The following SLC30A8 variants were observed in gnomAD, a reference collection of about 807,000 sequenced individuals.
The protein encoded by SLC30A8 is solute carrier family 30 member 8.
Under a neutral mutation model 36.9 loss-of-function variants are expected in SLC30A8, and 27 were observed. That is an observed-to-expected ratio of 0.73 (90% CI 0.54 to 1.01). The LOEUF is 1.01. SLC30A8 is among the 50% of genes least tolerant of loss of function. SLC30A8 has a pLI of 0.00. For synonymous variants in SLC30A8, 164 were observed against 172.4 expected (o/e 0.95, Z 0.38); for missense variants, 439 against 452.0 (o/e 0.97, Z 0.26).
chr8:117,159,339 T>G (rs938145751), intron 4 of SLC30A8, among the ~76,000 whole-genome samples: 8 of 152,174 alleles, frequency 5.3e-5, no homozygotes, highest in Admixed American at 5.2e-4. Context: ...AAGACAGTGA[T>G]CGAAAAATGA....
chr8:116,992,202 A>G (rs1815668430), intron 1 of SLC30A8, among the ~76,000 whole-genome samples: 1 of 152,178 alleles, frequency 6.6e-6, no homozygotes, highest in African/African-American at 2.4e-5. Context: ...ATCAAGAGTC[A>G]TGTCATCTCT....
intron 2 of SLC30A8, among the ~76,000 whole-genome samples, chr8:117,118,453 C>G (rs980382769): frequency 1.4e-4 from 22 of 151,804 alleles, no homozygotes; most frequent in Non-Finnish European, 2.8e-4. Context: ...TAATTGCTGC[C>G]TTAGTGATTC....
chr8:117,152,199 A>G (rs1822222969), intron 2 of SLC30A8, among the ~76,000 whole-genome samples: 2 of 152,146 alleles, frequency 1.3e-5, no homozygotes, highest in Non-Finnish European at 2.9e-5. Context: ...CAAACAACAA[A>G]CCATGTCTGG....
At chr8:117,043,822 C>A (rs1817463573) in intron 2 of SLC30A8, among the ~76,000 whole-genome samples, 1 of 152,148 alleles carries the variant, frequency 6.6e-6, no homozygotes. Flanking sequence ...AGGTAGAATT[C>A]ATAGTTACAT....
At chr8:117,089,760 C>T (rs1819029554) in intron 2 of SLC30A8, among the ~76,000 whole-genome samples, 1 of 152,082 alleles carries the variant, frequency 6.6e-6, no homozygotes, top group Non-Finnish European at 1.5e-5. Flanking sequence ...TCCCATTGCC[C>T]TTTCTGTAAA....
rs184568130 is a variant in SLC30A8, at chr8:117,090,927, A to G, written c.-225-44353A>G. Among the ~76,000 whole-genome samples, 20 of 152,260 alleles carry G rather than the reference A, an allele frequency of 1.3e-4. 1 individual carries two copies. In the East Asian group the frequency reaches 3.9e-3, roughly 29 times the overall value. ...TTTTATTGTTTTGTGTTTTTGCAAC[A>G]CCCAGTTCAGTACCTGACATATAAA... On this transcript the variant is annotated intron_variant, in intron 2 of 10. Coordinates refer to the SLC30A8 transcript ENST00000427715.
chr8:117,015,508 T>C (rs1331727750), intron 1 of SLC30A8, among the ~76,000 whole-genome samples: 1 of 150,458 alleles, frequency 6.6e-6, no homozygotes, highest in East Asian at 2.0e-4. Flanking sequence ...TGGGAAACAT[T>C]ACAGTAATAA....
chr8:116,990,940 C>T (rs1322780900), intron 1 of SLC30A8, among the ~76,000 whole-genome samples: 1 of 151,720 alleles, frequency 6.6e-6, no homozygotes, highest in East Asian at 1.9e-4. Context: ...GTGTCTGAGA[C>T]AGAAAGACTG....
At chr8:116,970,275 GCAATAACA>G (rs1814748865) in intron 1 of SLC30A8, among the ~76,000 whole-genome samples, 1 of 152,120 alleles carries the variant, frequency 6.6e-6, no homozygotes, top group Non-Finnish European at 1.5e-5. Context: ...GACTTTAGGG[GCAATAACA>G]CACATGGAAC....
chr8:117,035,841 C>T (rs1427490461), intron 1 of SLC30A8, among the ~76,000 whole-genome samples: 1 of 152,188 alleles, frequency 6.6e-6, no homozygotes, highest in East Asian at 1.9e-4. Context: ...TTGGAGCTTG[C>T]ACCTCTAAAG....
At chr8:116,980,093 A>G (rs529093092) in intron 1 of SLC30A8, among the ~76,000 whole-genome samples, 2 of 152,306 alleles carry the variant, frequency 1.3e-5, no homozygotes, top group South Asian at 4.1e-4. Context: ...CTGAGGCTTG[A>G]GAAACTTTAT....
chr8:116,952,827 C>G (rs1365238158), intron 1 of SLC30A8, among the ~76,000 whole-genome samples: 2 of 150,268 alleles, frequency 1.3e-5, no homozygotes, highest in Non-Finnish European at 2.9e-5. Context: ...GACATTATGT[C>G]TTCCTATTAT....
chr8:117,043,619 A>G (rs919385425), intron 2 of SLC30A8, among the ~76,000 whole-genome samples: 5 of 152,232 alleles, frequency 3.3e-5, no homozygotes. Flanking sequence ...AAGGTCTGAC[A>G]CCAGACACTT....
intron 1 of SLC30A8, among the ~76,000 whole-genome samples, chr8:117,003,838 G>C (rs892995575): frequency 6.6e-6 from 1 of 152,056 alleles, no homozygotes; most frequent in Non-Finnish European, 1.5e-5. Flanking sequence ...TTGTCATATG[G>C]GCCAGAGGAA....
chr8:117,103,212 C>T (rs1375198228), intron 2 of SLC30A8, among the ~76,000 whole-genome samples: 1 of 152,026 alleles, frequency 6.6e-6, no homozygotes, highest in Non-Finnish European at 1.5e-5. Flanking sequence ...AATGATGGGA[C>T]AGCCACAGGG....
chr8:117,064,230 G>C (rs535994738), intron 2 of SLC30A8, among the ~76,000 whole-genome samples: 3 of 152,204 alleles, frequency 2.0e-5, no homozygotes, highest in South Asian at 2.1e-4. Context: ...GACTTCAGGT[G>C]ATCTGCCCAC....
chr8:117,059,628 T>A (rs1371183506), intron 2 of SLC30A8, among the ~76,000 whole-genome samples: 1 of 152,174 alleles, frequency 6.6e-6, no homozygotes, highest in Non-Finnish European at 1.5e-5. Context: ...ACCTGACCTT[T>A]CTTGGTTTCT....
At chr8:117,151,095 T>C (rs10100122) in intron 2 of SLC30A8, among the ~76,000 whole-genome samples, 1,670 of 152,290 alleles carry the variant, frequency 0.011, 18 homozygotes, top group Non-Finnish European at 0.02. Flanking sequence ...CTTCTGCTTT[T>C]CCCGAAAAGT....
intron 2 of SLC30A8, among the ~76,000 whole-genome samples, chr8:117,079,100 C>T (rs1477308181): frequency 6.6e-6 from 1 of 152,074 alleles, no homozygotes; most frequent in South Asian, 2.1e-4. Context: ...CAACTTTCGC[C>T]TCCCCGGTTC....
Sources: gnomAD v4.1 joint callset for allele counts (sites outside exome capture counted in the v4.1 genomes callset) on GRCh38, gnomAD v4.1.1 for gene constraint, MANE v1.5 for transcripts, NCBI Gene and HGNC (gene_info 2026-07-23, HGNC 2026-07-21) for gene names.